The following TSPEAR variants were observed in gnomAD, a reference collection of about 807,000 sequenced individuals.
TSPEAR encodes the protein thrombospondin type laminin G domain and EAR repeats.
A neutral mutation model predicts 71.6 loss-of-function variants in TSPEAR; 69 were observed. That is an observed-to-expected ratio of 0.96 (90% CI 0.79 to 1.18). The LOEUF (loss-of-function observed/expected upper bound fraction) is 1.18, where lower values mean the gene tolerates loss of function less well. Among genes scored for constraint, TSPEAR ranks in the 50% most tolerant of loss-of-function variants. TSPEAR has a pLI of 0.00. For synonymous variants in TSPEAR, 402 were observed against 387.2 expected, an observed-to-expected ratio of 1.04 and a Z score of -0.45; for missense variants, 971 against 894.9, an observed-to-expected ratio of 1.09 and a Z score of -1.09.
intron 11 of TSPEAR, among the ~76,000 whole-genome samples, chr21:44,503,301 C>T (rs9680133): frequency 6.1e-5 from 7 of 114,514 alleles, no homozygotes; most frequent in African/African-American, 1.4e-4. Context: ...CGGGGGGAAG[C>T]AAGGCTCTGG....
intron 1 of TSPEAR, among the ~76,000 whole-genome samples, chr21:44,649,407 G>T (rs1273016286): frequency 1.3e-5 from 2 of 152,158 alleles, no homozygotes; most frequent in Admixed American, 1.3e-4. Flanking sequence ...TCAGCAGGAG[G>T]GGTACACTGG....
chr21:44,677,679 G>A (rs782253077), intron 1 of TSPEAR: 22 of 1,408,644 alleles, frequency 1.6e-5, no homozygotes, highest in Non-Finnish European at 9.0e-6. Flanking sequence ...TGCTGAAGCT[G>A]GAGTATCTCC....
At chr21:44,645,322 T>C (rs1555939284) in intron 1 of TSPEAR, among the ~76,000 whole-genome samples, 1 of 150,928 alleles carries the variant, frequency 6.6e-6, no homozygotes, top group African/African-American at 2.4e-5. Context: ...GCATTCTCCT[T>C]ACAAGGTGTG....
chr21:44,670,568 CCCAGCTGTCTA>C (rs1986008155), intron 1 of TSPEAR, among the ~76,000 whole-genome samples: 1 of 152,170 alleles, frequency 6.6e-6, no homozygotes, highest in South Asian at 2.1e-4. Flanking sequence ...ATGAGAGATT[CCCAGCTGTCTA>C]CATTTCCACC....
chr21:44,587,287 C>A (rs1979404020), intron 1 of TSPEAR, among the ~76,000 whole-genome samples: 1 of 152,132 alleles, frequency 6.6e-6, no homozygotes, highest in South Asian at 2.1e-4. Flanking sequence ...ATCCCTTTTA[C>A]AATAGCTGCA....
At chr21:44,602,397 C>T (rs900248135) in intron 1 of TSPEAR, among the ~76,000 whole-genome samples, 15 of 152,206 alleles carry the variant, frequency 9.9e-5, no homozygotes, top group Non-Finnish European at 1.8e-4. Context: ...GGTGGGGCTG[C>T]TTTGGGGCCT....
chr21:44,571,792 A>G (rs1239470695), intron 1 of TSPEAR, among the ~76,000 whole-genome samples: 1 of 152,268 alleles, frequency 6.6e-6, no homozygotes, highest in Admixed American at 6.5e-5. Context: ...AACATTCTTT[A>G]GTCCACACAT....
At chr21:44,607,293 T>A (rs192557475) in intron 1 of TSPEAR, among the ~76,000 whole-genome samples, 42 of 152,336 alleles carry the variant, frequency 2.8e-4, no homozygotes, top group Non-Finnish European at 4.4e-4. Context: ...TTGGCCAGGA[T>A]GGTCTTGATC....
At chr21:44,568,096 C>A in intron 1 of TSPEAR, 91 bp from the exon 2 acceptor site, 5 of 997,136 alleles carry the variant, frequency 5.0e-6, no homozygotes, top group Non-Finnish European at 7.0e-6. Flanking sequence ...ATCAGCGTGG[C>A]AGGCACTTTA....
chr21:44,532,059 C>G (rs2052983779), intron 3 of TSPEAR, among the ~76,000 whole-genome samples: 1 of 152,262 alleles, frequency 6.6e-6, no homozygotes, highest in African/African-American at 2.4e-5. Context: ...CTGCACACAG[C>G]TCGGCCTCTG....
intron 1 of TSPEAR, chr21:44,601,161 C>T: frequency 6.2e-7 from 1 of 1,600,772 alleles, no homozygotes; most frequent in Non-Finnish European, 8.5e-7. Flanking sequence ...GCTGTGTGAG[C>T]TGTGTGTCCA....
rs115951387 is a variant in TSPEAR, at chr21:44,628,789, T to C, written c.83-60784A>G. ...CTCCAGCTGTCCCAGCACTCAGGAGTTCCACTCGGAGAGAGCTTGGCCATC... is the reference window on the plus strand; with the variant it reads ...CTCCAGCTGTCCCAGCACTCAGGAGCTCCACTCGGAGAGAGCTTGGCCATC... On this transcript the variant is annotated intron_variant, in intron 1 of 11. Coordinates refer to ENST00000323084, the MANE Select transcript of TSPEAR (RefSeq NM_144991.3). Among the ~76,000 whole-genome samples, 1,087 of 151,922 alleles carry C rather than the reference T, an allele frequency of 7.2e-3. 12 individuals are homozygous for C. The highest frequency in any genetic ancestry group is 0.024 in the Middle Eastern group (7 of 294).
intron 1 of TSPEAR, chr21:44,579,594 G>C: frequency 1.2e-6 from 1 of 845,876 alleles, no homozygotes; most frequent in Non-Finnish European, 1.8e-6. Context: ...TGGGAGGCAG[G>C]AGCTGGGGAG....
At chr21:44,591,551 A>T (rs782260379) in intron 1 of TSPEAR, 16 of 1,613,364 alleles carry the variant, frequency 9.9e-6, no homozygotes, top group Non-Finnish European at 1.4e-5. Flanking sequence ...GTGGACTTGC[A>T]CACAGGGTGG....
Position 44,612,083 on chromosome 21 carries a change from C to A in TSPEAR, c.83-44078G>T, listed in dbSNP as rs781894648. Reference sequence around the variant, plus strand: ...ACACCTCACACCAGCACTCACACCACCCAGTCCAGCACCCACCATGGCTGA... The same window carrying A: ...ACACCTCACACCAGCACTCACACCAACCAGTCCAGCACCCACCATGGCTGA... On this transcript the variant is annotated intron_variant, in intron 1 of 11. Transcript: ENST00000323084. The surrounding 1 kb of genome is among the most constrained non-coding windows in gnomAD (Gnocchi z 4.1). 12 of 1,607,388 alleles carry A rather than the reference C, an allele frequency of 7.5e-6. No homozygotes were observed. In the Admixed American group the frequency reaches 2.0e-4, roughly 27 times the overall value.
At chr21:44,683,161 G>A (rs1162951396) in intron 1 of TSPEAR, among the ~76,000 whole-genome samples, 3 of 152,064 alleles carry the variant, frequency 2.0e-5, no homozygotes, top group Non-Finnish European at 2.9e-5. Context: ...GGATTTTTAG[G>A]GAAGACAGTT....
intron 3 of TSPEAR, among the ~76,000 whole-genome samples, chr21:44,532,911 C>T (rs781864233): frequency 7.9e-5 from 12 of 152,352 alleles, no homozygotes; most frequent in African/African-American, 2.6e-4. Context: ...CCCTCGTCCA[C>T]GAGGAACCTG....
intron 1 of TSPEAR, among the ~76,000 whole-genome samples, chr21:44,613,378 C>CA (rs1223026289): frequency 6.6e-6 from 1 of 152,210 alleles, no homozygotes; most frequent in Non-Finnish European, 1.5e-5. Context: ...CAGGAAGGCT[C>CA]AGTCCCGGCT....
chr21:44,567,450 G>A (rs1176687764), intron 2 of TSPEAR, among the ~76,000 whole-genome samples: 1 of 152,190 alleles, frequency 6.6e-6, no homozygotes, highest in Non-Finnish European at 1.5e-5. Context: ...GGCACTTCAA[G>A]TCTTAGATAA....
Sources: allele counts gnomAD v4.1 joint callset (sites outside exome capture counted in the v4.1 genomes callset), GRCh38; gene constraint gnomAD v4.1.1; non-coding constraint Gnocchi (gnomAD v3.1); transcripts MANE v1.5; gene names NCBI Gene and HGNC (gene_info 2026-07-23, HGNC 2026-07-21).